The following ZMAT4 variants were observed in gnomAD, a reference collection of about 807,000 sequenced individuals.
ZMAT4 encodes the protein zinc finger matrin-type protein 4.
A neutral mutation model predicts 28.7 loss-of-function variants in ZMAT4; 17 were observed. That is an observed-to-expected ratio of 0.59 (90% CI 0.41 to 0.89). The LOEUF is 0.89. ZMAT4 is among the 40% of genes least tolerant of loss of function. The probability of loss-of-function intolerance (pLI) is 0.00; values close to 1 mark genes in which losing one functional copy is unlikely to be tolerated. For missense variants in ZMAT4, 240 were observed against 283.8 expected (o/e 0.85, Z 1.11); for synonymous variants, 117 against 109.2 (o/e 1.07, Z -0.44).
At chr8:40,577,068 C>T (rs1195152736) in intron 6 of ZMAT4, among the ~76,000 whole-genome samples, 2 of 152,052 alleles carry the variant, frequency 1.3e-5, no homozygotes, top group East Asian at 1.9e-4. Flanking sequence ...ATGGTGGATG[C>T]CTGTAATCTC....
At chr8:40,758,770 C>A (rs1419788511) in intron 3 of ZMAT4, among the ~76,000 whole-genome samples, 1 of 152,120 alleles carries the variant, frequency 6.6e-6, no homozygotes, top group Non-Finnish European at 1.5e-5. Flanking sequence ...TGCTCCCTAG[C>A]ATAAGCGTGC....
intron 5 of ZMAT4, among the ~76,000 whole-genome samples, chr8:40,649,203 A>G (rs1807507746): frequency 6.6e-6 from 1 of 152,174 alleles, no homozygotes. Context: ...AGACACACAT[A>G]GACTCAAAAT....
At chr8:40,544,967 A>G (rs1803153773) in intron 6 of ZMAT4, among the ~76,000 whole-genome samples, 1 of 152,124 alleles carries the variant, frequency 6.6e-6, no homozygotes, top group Non-Finnish European at 1.5e-5. Flanking sequence ...TCGTATTATT[A>G]TTTCCAAGAT....
Position 40,599,847 on chromosome 8 carries a change from G to A in ZMAT4, c.578-18586C>T, listed in dbSNP as rs138040456. Among the ~76,000 whole-genome samples, 417 of 152,232 alleles carry A rather than the reference G, an allele frequency of 2.7e-3. 2 individuals are homozygous for A. The highest frequency in any genetic ancestry group is 0.024 in the Middle Eastern group (7 of 294). ...CCGCCCCTCCTCCCAGTGAGTCCTC[G>A]GTCCCAGCACCGGTCCCTTCTGTTA... On this transcript the variant is annotated intron_variant, in intron 5 of 6. Transcript: ENST00000297737.
chr8:40,559,353 G>A (rs1040247305), intron 6 of ZMAT4, among the ~76,000 whole-genome samples: 1 of 152,128 alleles, frequency 6.6e-6, no homozygotes, highest in African/African-American at 2.4e-5. Context: ...AAGCGAACAT[G>A]GGACACATGT....
At chr8:40,700,684 A>G (rs1810105122) in intron 3 of ZMAT4, among the ~76,000 whole-genome samples, 1 of 151,984 alleles carries the variant, frequency 6.6e-6, no homozygotes, top group South Asian at 2.1e-4. Flanking sequence ...TTGGCCTCCC[A>G]AAGTGCTGGG....
At chr8:40,861,897 A>G (rs1008792285) in intron 1 of ZMAT4, among the ~76,000 whole-genome samples, 9 of 152,098 alleles carry the variant, frequency 5.9e-5, no homozygotes, top group African/African-American at 1.2e-4. Flanking sequence ...TTAGAATGGC[A>G]ATCATTAAAA....
chr8:40,881,193 C>G (rs538790456), intron 1 of ZMAT4, among the ~76,000 whole-genome samples: 2 of 151,934 alleles, frequency 1.3e-5, no homozygotes, highest in South Asian at 4.2e-4. Flanking sequence ...GCCTGAGTAA[C>G]ATAGCGAGTC....
chr8:40,891,977 C>T (rs961926489), intron 1 of ZMAT4, among the ~76,000 whole-genome samples: 5 of 152,336 alleles, frequency 3.3e-5, no homozygotes, highest in East Asian at 1.9e-4. Context: ...CAGCTGGTCA[C>T]GGCCTCATTC....
intron 5 of ZMAT4, among the ~76,000 whole-genome samples, chr8:40,671,273 T>C (rs983705600): frequency 6.6e-6 from 1 of 152,174 alleles, no homozygotes; most frequent in African/African-American, 2.4e-5. Flanking sequence ...CAGTTTCTTC[T>C]ATAGTTAAAA....
intron 3 of ZMAT4, among the ~76,000 whole-genome samples, chr8:40,709,225 A>ATTTTTATTGTTGTATTT (rs199960110): frequency 6.6e-6 from 1 of 151,950 alleles, no homozygotes; most frequent in African/African-American, 2.4e-5. Flanking sequence ...TATTTGTATT[A>ATTTTTATTGTTGTATTT]TTTTTATTGT....
intron 6 of ZMAT4, among the ~76,000 whole-genome samples, chr8:40,548,469 G>A (rs191287431): frequency 6.6e-6 from 1 of 152,222 alleles, no homozygotes; most frequent in Admixed American, 6.5e-5. Context: ...ATGCATAGAA[G>A]TTTTGTTGGA....
At chr8:40,565,983 G>A (rs1305038955) in intron 6 of ZMAT4, among the ~76,000 whole-genome samples, 3 of 152,020 alleles carry the variant, frequency 2.0e-5, no homozygotes, top group South Asian at 2.1e-4. Flanking sequence ...GAATCATAGC[G>A]CTTTAGGGTT....
chr8:40,599,915 C>T (rs11994938), intron 5 of ZMAT4, among the ~76,000 whole-genome samples: 24,564 of 152,134 alleles, frequency 0.16, 2,902 homozygotes, highest in East Asian at 0.57. Flanking sequence ...CCTTTGGGTT[C>T]CTTAGACTGA....
intron 5 of ZMAT4, among the ~76,000 whole-genome samples, chr8:40,626,357 T>C (rs1806381796): frequency 6.6e-6 from 1 of 152,094 alleles, no homozygotes; most frequent in South Asian, 2.1e-4. Context: ...CTTAGTAAGA[T>C]GAGGGTTCTG....
intron 3 of ZMAT4, among the ~76,000 whole-genome samples, chr8:40,763,998 A>C (rs867145581): frequency 1.3e-5 from 2 of 152,210 alleles, no homozygotes; most frequent in East Asian, 1.9e-4. Context: ...CAAAAAAAAA[A>C]CCCAGGTAAA....
chr8:40,685,984 C>A (rs79183405), intron 4 of ZMAT4, among the ~76,000 whole-genome samples: 1 of 152,034 alleles, frequency 6.6e-6, no homozygotes, highest in Admixed American at 6.6e-5. Flanking sequence ...GACTGGGAAC[C>A]CTCAGACTGG....
intron 1 of ZMAT4, among the ~76,000 whole-genome samples, chr8:40,879,883 A>G (rs2150661970): frequency 6.6e-6 from 1 of 152,316 alleles, no homozygotes; most frequent in African/African-American, 2.4e-5. Flanking sequence ...AAATAATTGT[A>G]TATGGTAGCC....
At chr8:40,706,035 C>T (rs1433526854) in intron 3 of ZMAT4, among the ~76,000 whole-genome samples, 2 of 152,044 alleles carry the variant, frequency 1.3e-5, no homozygotes, top group East Asian at 1.9e-4. Context: ...TGAGTATTTA[C>T]TTATTTATTT....
Sources: allele counts gnomAD v4.1 joint callset (sites outside exome capture counted in the v4.1 genomes callset), GRCh38; gene constraint gnomAD v4.1.1; transcripts MANE v1.5; gene names NCBI Gene and HGNC (gene_info 2026-07-23, HGNC 2026-07-21).